Variants in LCORL observed in about 807,000 individuals in gnomAD.
LCORL encodes ligand-dependent nuclear receptor corepressor-like protein.
A neutral mutation model predicts 141.8 loss-of-function variants in LCORL; 41 were observed. The observed-to-expected ratio is 0.29, with a 90% CI of 0.23 to 0.38. The LOEUF (loss-of-function observed/expected upper bound fraction) is 0.38. Among genes scored for constraint, LCORL ranks in the 10% least tolerant of loss-of-function variants. The pLI, the probability that LCORL is intolerant of heterozygous loss-of-function variation, is 1.00. For synonymous variants in LCORL, 618 were observed against 694.1 expected (o/e 0.89, Z 1.72); for missense variants, 1,759 against 2,035.0 (o/e 0.86, Z 2.61).
At chr4:17,987,671 TACAA>T (rs1298067713) in intron 1 of LCORL, among the ~76,000 whole-genome samples, 4 of 152,202 alleles carry the variant, frequency 2.6e-5, no homozygotes, top group Admixed American at 2.0e-4. Context: ...TCCACATCCT[TACAA>T]ACACTTTGAT....
intron 4 of LCORL, among the ~76,000 whole-genome samples, chr4:17,921,211 A>G (rs886274638): frequency 4.6e-5 from 7 of 151,700 alleles, no homozygotes; most frequent in Admixed American, 6.6e-5. Context: ...GTATTTTAGT[A>G]GAGACAGGGT....
chr4:17,873,878 G>T, exon 7 of LCORL: 1 of 1,233,978 alleles, frequency 8.1e-7, no homozygotes, highest in East Asian at 3.2e-5. Context: ...CCTTTTGAAA[G>T]TCTTTTTGGC....
intron 1 of LCORL, among the ~76,000 whole-genome samples, chr4:17,979,034 C>T (rs1429934882): frequency 4.6e-5 from 7 of 152,126 alleles, no homozygotes; most frequent in Non-Finnish European, 8.8e-5. Flanking sequence ...TCTCCTAATG[C>T]TATCCCTCCC....
intron 1 of LCORL, among the ~76,000 whole-genome samples, chr4:18,007,861 TTC>T (rs1229587981): frequency 6.6e-6 from 1 of 152,120 alleles, no homozygotes; most frequent in Non-Finnish European, 1.5e-5. Context: ...CATAGGCAAA[TTC>T]TATTCTATTT....
At chr4:17,930,066 C>T (rs1305664057) in intron 4 of LCORL, among the ~76,000 whole-genome samples, 1 of 151,912 alleles carries the variant, frequency 6.6e-6, no homozygotes, top group Non-Finnish European at 1.5e-5. Flanking sequence ...TATTTCATAC[C>T]CAGTAAGACT....
chr4:17,898,632 A>G (rs1262307759), intron 5 of LCORL, among the ~76,000 whole-genome samples: 1 of 145,722 alleles, frequency 6.9e-6, no homozygotes, highest in East Asian at 2.0e-4. Flanking sequence ...GAAATTCACT[A>G]TCAAGAGATC....
At chr4:17,911,915 A>G (rs1480814901) in intron 4 of LCORL, 3 of 527,834 alleles carry the variant, frequency 5.7e-6, no homozygotes, top group Non-Finnish European at 1.1e-5. Flanking sequence ...CAGAACGAGG[A>G]GGAGACCATG....
At chr4:17,958,995 C>T (rs1380385291) in intron 4 of LCORL, among the ~76,000 whole-genome samples, 2 of 152,002 alleles carry the variant, frequency 1.3e-5, no homozygotes, top group African/African-American at 4.8e-5. Flanking sequence ...CCTAGAACAT[C>T]CTCCTCTGCA....
At chr4:17,897,555 T>C (rs7667178) in intron 5 of LCORL, among the ~76,000 whole-genome samples, 15,327 of 152,112 alleles carry the variant, frequency 0.1, 1,745 homozygotes, top group African/African-American at 0.28. Flanking sequence ...CCTTTAATTG[T>C]TAATTTTCAC....
intron 4 of LCORL, among the ~76,000 whole-genome samples, chr4:17,933,639 G>C (rs1736397214): frequency 6.6e-6 from 1 of 151,892 alleles, no homozygotes; most frequent in Non-Finnish European, 1.5e-5. Flanking sequence ...TCACTTTGAG[G>C]TGTTATGATG....
At chr4:17,962,181 C>A (rs1713945083) in intron 3 of LCORL, 149 bp from the exon 4 acceptor site, 1 of 424,324 alleles carries the variant, frequency 2.4e-6, no homozygotes. Flanking sequence ...ACATAAAATT[C>A]AGAATGAGTC....
At chr4:17,942,003 G>A (rs1311862745) in intron 4 of LCORL, among the ~76,000 whole-genome samples, 1 of 152,216 alleles carries the variant, frequency 6.6e-6, no homozygotes, top group Admixed American at 6.5e-5. Context: ...GGCTATTGTG[G>A]AGAATTATAG....
At chr4:18,009,176 A>C (rs1723281268) in intron 1 of LCORL, among the ~76,000 whole-genome samples, 1 of 152,010 alleles carries the variant, frequency 6.6e-6, no homozygotes, top group African/African-American at 2.4e-5. Context: ...CAAGTACTTC[A>C]TTTCCTATCC....
At chr4:17,969,908 C>T (rs1304136382) in intron 2 of LCORL, among the ~76,000 whole-genome samples, 2 of 152,274 alleles carry the variant, frequency 1.3e-5, no homozygotes, top group East Asian at 3.9e-4. Context: ...ATTTTGGAGT[C>T]TCCACCCTTA....
chr4:17,941,158 C>T lies in LCORL; in HGVS notation c.430+20745G>A, dbSNP rs144836211. On this transcript the variant is annotated intron_variant, in intron 4 of 7. Coordinates refer to ENST00000635767, the Ensembl canonical transcript of LCORL. ...TTGGGAGGCCGAGACGGGCAGATCA[C>T]GAGGTCAGGAGATCAAGACTATCCC... Among the ~76,000 whole-genome samples, 122 of 152,236 alleles carry T rather than the reference C, an allele frequency of 8.0e-4. 1 individual carries two copies. In the East Asian group the frequency reaches 0.022, roughly 27 times the overall value.
At position 17,963,575 on chromosome 4, in the gene LCORL, T is replaced by C. The variant is rs551230054; in HGVS notation, c.221-526A>G. On this transcript the variant is annotated intron_variant, in intron 2 of 7. Transcript: ENST00000635767. ...TTTTTATTAAATTGTTTAAAGGCTT[T>C]GTTGCAAGAATTAAGAGTAAAAATC... 3.9e-5 allele frequency among the ~76,000 whole-genome samples: 6 copies of C among 152,094 alleles called. No individual in the cohort carries two copies. In the South Asian group the frequency reaches 8.3e-4, roughly 21 times the overall value.
At chr4:17,953,884 C>T (rs1026299083) in intron 4 of LCORL, among the ~76,000 whole-genome samples, 6 of 152,156 alleles carry the variant, frequency 3.9e-5, no homozygotes, top group African/African-American at 1.2e-4. Flanking sequence ...AATGTGAGGG[C>T]CAGGCGCGGT....
At chr4:17,925,878 CAAAAA>C (rs71167343) in intron 4 of LCORL, among the ~76,000 whole-genome samples, 3,370 of 95,912 alleles carry the variant, frequency 0.035, 22 homozygotes, top group African/African-American at 0.12. Context: ...GATTCCATCT[CAAAAA>C]AAAAAAAAAA....
chr4:17,880,683 G>T, intron 6 of LCORL: 1 of 979,010 alleles, frequency 1.0e-6, no homozygotes, highest in East Asian at 1.1e-4. Flanking sequence ...AAGTGCAAAA[G>T]CATTGAAGTG....
Sources: gnomAD v4.1 joint callset for allele counts (sites outside exome capture counted in the v4.1 genomes callset) on GRCh38, gnomAD v4.1.1 for gene constraint, MANE v1.5 for transcripts, NCBI Gene and HGNC (gene_info 2026-07-23, HGNC 2026-07-21) for gene names.